Variants in PSMD1 observed in about 807,000 individuals in gnomAD.
The protein encoded by PSMD1 is proteasome 26S subunit, non-ATPase 1.
Under a neutral mutation model 119.0 loss-of-function variants are expected in PSMD1, and 18 were observed. That is an observed-to-expected ratio of 0.15 (90% CI 0.10 to 0.22). The LOEUF (loss-of-function observed/expected upper bound fraction) is 0.22, where lower values mean the gene tolerates loss of function less well. PSMD1 is among the 10% of genes least tolerant of loss of function. The pLI, the probability that PSMD1 is intolerant of heterozygous loss-of-function variation, is 1.00. For synonymous variants in PSMD1, 374 were observed against 396.6 expected, an observed-to-expected ratio of 0.94 and a Z score of 0.68; for missense variants, 702 against 1,158.5, an observed-to-expected ratio of 0.61 and a Z score of 5.72.
chr2:231,091,427 A>G (rs1694589938), intron 16 of PSMD1, among the ~76,000 whole-genome samples: 1 of 152,178 alleles, frequency 6.6e-6, no homozygotes, highest in South Asian at 2.1e-4. Context: ...TATAATTTTT[A>G]TAACTTTTCC....
intron 5 of PSMD1, among the ~76,000 whole-genome samples, chr2:231,068,501 CTG>C (rs1426668239): frequency 6.6e-6 from 1 of 152,144 alleles, no homozygotes; most frequent in Non-Finnish European, 1.5e-5. Flanking sequence ...GTTTTGCTCT[CTG>C]TGGTTTCAGT....
At chr2:231,130,414 G>T (rs1695826486) in intron 16 of PSMD1, among the ~76,000 whole-genome samples, 1 of 152,144 alleles carries the variant, frequency 6.6e-6, no homozygotes, top group Non-Finnish European at 1.5e-5. Context: ...ATAAAGTCCA[G>T]TGTTTTTCCT....
Position 231,080,142 on chromosome 2 carries a change from G to A in PSMD1, c.1241G>A (p.Gly414Asp). ...CTTTGTTATGACTTACCTTTACAGG[G>A]TCATGAAAAAGAAGCATTACAGTTA... ...ATASLGVIHK[G>D]HEKEALQLMA... Residue 414 changes from glycine (G) to aspartate (D), a missense_variant and splice_region_variant, in exon 12 of 25, where the codon GGT becomes GAT. Around this residue, in one of 9 missense-constraint regions of PSMD1, gnomAD observed 272 missense variants for 511.6 expected, o/e 0.53. Transcript: ENST00000308696. The A allele has an allele frequency of 1.2e-6, 2 of 1,605,016 alleles. No individual in the cohort carries two copies. The highest frequency in any genetic ancestry group is 1.7e-6 in the Non-Finnish European group (2 of 1,176,216).
At chr2:231,146,203 TTATTTAA>T in intron 17 of PSMD1, 30 bp from the exon 18 acceptor site, 1 of 1,436,904 alleles carries the variant, frequency 7.0e-7, no homozygotes, top group Non-Finnish European at 9.8e-7. Flanking sequence ...CATATCAACT[TTATTTAA>T]AAGTTGTGTG....
chr2:231,091,274 T>G (rs896413820), intron 16 of PSMD1, among the ~76,000 whole-genome samples: 5 of 152,202 alleles, frequency 3.3e-5, no homozygotes, highest in African/African-American at 1.2e-4. Context: ...GAGACAAGAG[T>G]AAACAAGTTT....
intron 19 of PSMD1, among the ~76,000 whole-genome samples, chr2:231,154,646 T>G (rs971220840): frequency 1.3e-5 from 2 of 152,102 alleles, no homozygotes; most frequent in African/African-American, 2.4e-5. Flanking sequence ...TGTTTAAACT[T>G]CTTGTAGAGA....
intron 2 of PSMD1, among the ~76,000 whole-genome samples, chr2:231,061,894 C>T (rs1005036363): frequency 1.3e-5 from 2 of 152,198 alleles, no homozygotes; most frequent in African/African-American, 4.8e-5. Context: ...GTTTCATTAT[C>T]AACAGAAAAC....
At chr2:231,150,353 GA>G (rs1166720914) in intron 18 of PSMD1, among the ~76,000 whole-genome samples, 2,408 of 136,542 alleles carry the variant, frequency 0.018, 85 homozygotes, top group Admixed American at 0.1. Context: ...TCAAGGAGGG[GA>G]AAAAAAAAAA....
intron 1 of PSMD1, among the ~76,000 whole-genome samples, chr2:231,059,044 A>G (rs1160353773): frequency 2.0e-5 from 3 of 152,202 alleles, no homozygotes; most frequent in Admixed American, 1.3e-4. Flanking sequence ...ATTCAAAAGT[A>G]TGTCTTGACT....
At chr2:231,062,733 C>T in intron 4 of PSMD1, 58 bp downstream of exon 4, 1 of 1,314,864 alleles carries the variant, frequency 7.6e-7, no homozygotes, top group Non-Finnish European at 1.0e-6. Context: ...TGCTGTAGTG[C>T]ACATAGAAGC....
chr2:231,077,553 CAA>C (rs1002352947), intron 9 of PSMD1, among the ~76,000 whole-genome samples: 3 of 145,778 alleles, frequency 2.1e-5, no homozygotes, highest in Admixed American at 6.8e-5. Context: ...TCTTTTATTA[CAA>C]AAAAAAAAGA....
intron 16 of PSMD1, among the ~76,000 whole-genome samples, chr2:231,117,256 G>A (rs1695374578): frequency 6.6e-6 from 1 of 151,970 alleles, no homozygotes; most frequent in Non-Finnish European, 1.5e-5. Flanking sequence ...TACATTATTT[G>A]TTATAATGTA....
At chr2:231,140,277 C>T (rs762831596) in intron 17 of PSMD1, among the ~76,000 whole-genome samples, 4 of 151,640 alleles carry the variant, frequency 2.6e-5, no homozygotes, top group Admixed American at 6.6e-5. Context: ...GGGCAGATCA[C>T]GAGGTCAGGA....
chr2:231,159,144 A>G (rs1696576370), intron 19 of PSMD1, among the ~76,000 whole-genome samples: 2 of 152,230 alleles, frequency 1.3e-5, no homozygotes, highest in African/African-American at 4.8e-5. Flanking sequence ...TGTAAGCAAC[A>G]GGAATCCACA....
chr2:231,128,530 G>T (rs1273533958), intron 16 of PSMD1, among the ~76,000 whole-genome samples: 3 of 152,208 alleles, frequency 2.0e-5, no homozygotes, highest in African/African-American at 4.8e-5. Context: ...TTTAACGAAA[G>T]ACTTTGACAA....
rs1232069168 is a variant in PSMD1, at chr2:231,165,033, T to TA, written c.2482-167_2482-166insA. ...CCATTTATTCTTTGATTTATATATA[T>TA]TTATATATATATATATATATATATA... On this transcript the variant is annotated intron_variant, in intron 21 of 24. Coordinates refer to ENST00000308696, the MANE Select transcript of PSMD1 (RefSeq NM_002807.4). The TA allele has an allele frequency of 2.6e-3, 59 of 22,688 alleles. 3 individuals carry two copies. Among genetic ancestry groups the TA allele is most frequent in the African/African-American group, 7.8e-3 (10 of 1,288 alleles). The allele number at this position is 22,688 out of a possible 1,614,324, so 1.4% of individuals were successfully genotyped here.
intron 16 of PSMD1, among the ~76,000 whole-genome samples, chr2:231,093,078 G>C (rs989565906): frequency 9.9e-5 from 15 of 152,116 alleles, no homozygotes; most frequent in Admixed American, 9.2e-4. Context: ...GGTTGGGAAG[G>C]GGGTGTCTGC....
intron 18 of PSMD1, among the ~76,000 whole-genome samples, chr2:231,152,989 G>A (rs1696405134): frequency 6.6e-6 from 1 of 152,134 alleles, no homozygotes; most frequent in African/African-American, 2.4e-5. Flanking sequence ...CCCACCTTAA[G>A]TGAGTCAGCA....
chr2:231,132,077 G>A (rs552313915), intron 16 of PSMD1, among the ~76,000 whole-genome samples: 1 of 152,122 alleles, frequency 6.6e-6, no homozygotes, highest in African/African-American at 2.4e-5. Flanking sequence ...TTAGGCTCCT[G>A]GTATTTATGT....
Sources: allele counts gnomAD v4.1 joint callset (sites outside exome capture counted in the v4.1 genomes callset), GRCh38; gene constraint gnomAD v4.1.1; regional missense constraint gnomAD v4.1.1; transcripts MANE v1.5; gene names NCBI Gene and HGNC (gene_info 2026-07-23, HGNC 2026-07-21).